SLX4IP: variants seen among roughly 807,000 people sequenced by gnomAD.
SLX4IP encodes SLX4 interacting protein, also known as protein SLX4IP.
A neutral mutation model predicts 32.9 loss-of-function variants in SLX4IP; 34 were observed. The observed-to-expected ratio is 1.03, with a 90% CI of 0.79 to 1.38. The LOEUF (loss-of-function observed/expected upper bound fraction) is 1.38. Ranked by LOEUF, SLX4IP falls within the 40% of genes most tolerant of loss-of-function variation. The pLI is 0.00. For synonymous variants in SLX4IP, 172 were observed against 171.7 expected, an observed-to-expected ratio of 1.00 and a Z score of -0.01; for missense variants, 444 against 479.0, an observed-to-expected ratio of 0.93 and a Z score of 0.68.
chr20:10,498,263 T>G (rs1304265223), intron 2 of SLX4IP, among the ~76,000 whole-genome samples: 1 of 151,948 alleles, frequency 6.6e-6, no homozygotes, highest in Non-Finnish European at 1.5e-5. Context: ...GTTTGTGTTT[T>G]CCTGCCTCCC....
intron 2 of SLX4IP, among the ~76,000 whole-genome samples, chr20:10,518,432 C>T (rs1189210017): frequency 0.024 from 1,608 of 65,968 alleles, 84 homozygotes; most frequent in Non-Finnish European, 0.037. Context: ...TCCCTCCCTC[C>T]CTCCTTCTTC....
chr20:10,578,225 C>T (rs2122522414), intron 4 of SLX4IP, among the ~76,000 whole-genome samples: 1 of 152,284 alleles, frequency 6.6e-6, no homozygotes, highest in Non-Finnish European at 1.5e-5. Context: ...TTAGCAGTTA[C>T]TCTTCATTTT....
At chr20:10,605,217 G>A (rs2066891729) in intron 6 of SLX4IP, among the ~76,000 whole-genome samples, 1 of 152,152 alleles carries the variant, frequency 6.6e-6, no homozygotes, top group South Asian at 2.1e-4. Flanking sequence ...TTCATTGTGT[G>A]TTAGTTACAG....
In SLX4IP at chr20:10,608,514, A is replaced by G. The variant is rs898785824; in HGVS notation, c.405+6695A>G. On this transcript the variant is annotated intron_variant, in intron 6 of 7. Coordinates refer to ENST00000334534, the MANE Select transcript of SLX4IP (RefSeq NM_001009608.3). ...CACCATCTCTACTAAAAATACAGGA[A>G]AAAAAAAAAGGTAGCCGGATGTGGT... 4.0e-5 allele frequency among the ~76,000 whole-genome samples: 6 copies of G among 148,680 alleles called. No individual in the cohort carries two copies. In the East Asian group the frequency reaches 1.2e-3, roughly 29 times the overall value.
chr20:10,616,097 A>G (rs187483180), intron 6 of SLX4IP, among the ~76,000 whole-genome samples: 1 of 152,288 alleles, frequency 6.6e-6, no homozygotes, highest in East Asian at 1.9e-4. Context: ...GTGTTGGTAA[A>G]GGCCAACTTC....
At chr20:10,501,449 G>C (rs1293945078) in intron 2 of SLX4IP, among the ~76,000 whole-genome samples, 1 of 152,208 alleles carries the variant, frequency 6.6e-6, no homozygotes, top group Admixed American at 6.5e-5. Context: ...CCAAAGAGCT[G>C]CAAGTTGACT....
intron 6 of SLX4IP, among the ~76,000 whole-genome samples, chr20:10,618,023 T>G (rs1019012335): frequency 6.6e-6 from 1 of 152,230 alleles, no homozygotes; most frequent in Non-Finnish European, 1.5e-5. Flanking sequence ...CTCATCCTGG[T>G]GGGGACTCTC....
chr20:10,587,313 A>G (rs1475599136), intron 4 of SLX4IP, among the ~76,000 whole-genome samples: 2 of 152,184 alleles, frequency 1.3e-5, no homozygotes, highest in Non-Finnish European at 2.9e-5. Context: ...TATTTATAAT[A>G]AAAATTTTTA....
chr20:10,548,902 T>G (rs2066191097), intron 2 of SLX4IP, among the ~76,000 whole-genome samples: 4 of 152,190 alleles, frequency 2.6e-5, no homozygotes, highest in Admixed American at 2.6e-4. Context: ...TTGGACTAAA[T>G]ATATAGCATA....
chr20:10,443,283 C>T (rs528590261), intron 1 of SLX4IP, among the ~76,000 whole-genome samples: 26 of 152,134 alleles, frequency 1.7e-4, no homozygotes, highest in Non-Finnish European at 3.5e-4. Flanking sequence ...GGACCCAAGT[C>T]AGCAAACTTT....
At chr20:10,620,472 G>A (rs2067095179) in intron 6 of SLX4IP, among the ~76,000 whole-genome samples, 1 of 152,098 alleles carries the variant, frequency 6.6e-6, no homozygotes, top group Non-Finnish European at 1.5e-5. Context: ...CGAATTTTTT[G>A]GTAGCCAAGA....
intron 4 of SLX4IP, 69 bp from the exon 5 acceptor site, chr20:10,598,606 A>G (rs1026917582): frequency 7.3e-7 from 1 of 1,371,528 alleles, no homozygotes; most frequent in Non-Finnish European, 1.0e-6. Context: ...TATGGCAGGC[A>G]CTGGGCTGAA....
chr20:10,600,443 C>A (rs2066828456), intron 5 of SLX4IP, among the ~76,000 whole-genome samples: 1 of 152,130 alleles, frequency 6.6e-6, no homozygotes, highest in Non-Finnish European at 1.5e-5. Flanking sequence ...TGTTAACCTG[C>A]TGTTCTGAAT....
At chr20:10,563,963 G>A (rs114227732) in intron 4 of SLX4IP, among the ~76,000 whole-genome samples, 3,162 of 152,262 alleles carry the variant, frequency 0.021, 85 homozygotes, top group African/African-American at 0.061. Flanking sequence ...TATTTTGGTA[G>A]GGATTGGTTA....
chr20:10,467,114 C>T (rs1303759871), intron 2 of SLX4IP, among the ~76,000 whole-genome samples: 1 of 152,158 alleles, frequency 6.6e-6, no homozygotes, highest in African/African-American at 2.4e-5. Context: ...TTTTGTCTTG[C>T]TAGTTTGCCT....
chr20:10,438,613 G>A (rs905592552), intron 1 of SLX4IP, among the ~76,000 whole-genome samples: 1 of 151,352 alleles, frequency 6.6e-6, no homozygotes, highest in African/African-American at 2.4e-5. Flanking sequence ...AAGTAGCTGG[G>A]ATTACAGGCT....
intron 2 of SLX4IP, among the ~76,000 whole-genome samples, chr20:10,470,573 T>TA (rs2122361501): frequency 6.6e-6 from 1 of 152,342 alleles, no homozygotes; most frequent in South Asian, 2.1e-4. Context: ...TATTAATAGT[T>TA]ACCTTAAACA....
intron 2 of SLX4IP, among the ~76,000 whole-genome samples, chr20:10,489,674 A>AG (rs1430869789): frequency 6.6e-6 from 1 of 152,186 alleles, no homozygotes; most frequent in Non-Finnish European, 1.5e-5. Flanking sequence ...GGTTAGGCTT[A>AG]GGGATAGAAT....
At chr20:10,622,564 C>T in intron 7 of SLX4IP, 95 bp from the exon 8 acceptor site, 1 of 1,497,504 alleles carries the variant, frequency 6.7e-7, no homozygotes, top group Non-Finnish European at 8.9e-7. Flanking sequence ...GTGCCTGCCT[C>T]CTTTTTCAGG....
Sources: gnomAD v4.1 joint callset for allele counts (sites outside exome capture counted in the v4.1 genomes callset) on GRCh38, gnomAD v4.1.1 for gene constraint, MANE v1.5 for transcripts, NCBI Gene and HGNC (gene_info 2026-07-23, HGNC 2026-07-21) for gene names.